The following PHKB variants were observed in gnomAD, a reference collection of about 807,000 sequenced individuals.
PHKB encodes phosphorylase b kinase regulatory subunit beta.
In PHKB, 122 loss-of-function variants were observed where a neutral mutation model predicts 152.1. The ratio of observed to expected loss-of-function variants is 0.80; its 90% CI spans 0.69 to 0.93. PHKB has a LOEUF of 0.93. Among genes scored for constraint, PHKB ranks in the 40% least tolerant of loss-of-function variants. The pLI is 0.00. For synonymous variants in PHKB, 436 were observed against 464.9 expected (o/e 0.94, Z 0.80); for missense variants, 1,304 against 1,328.4 (o/e 0.98, Z 0.29).
chr16:47,686,095 A>G (rs1399842705), intron 26 of PHKB, among the ~76,000 whole-genome samples: 1 of 152,194 alleles, frequency 6.6e-6, no homozygotes, highest in East Asian at 1.9e-4. Context: ...TGAATGAGTG[A>G]AAAACCTGCT....
At chr16:47,628,729 A>C (rs1421749649) in intron 14 of PHKB, among the ~76,000 whole-genome samples, 4 of 152,072 alleles carry the variant, frequency 2.6e-5, no homozygotes, top group Non-Finnish European at 4.4e-5. Context: ...ATCCTAAGCC[A>C]AAAGAACAAA....
chr16:47,614,454 GT>G (rs1340171358), intron 14 of PHKB, among the ~76,000 whole-genome samples: 1 of 152,062 alleles, frequency 6.6e-6, no homozygotes, highest in Admixed American at 6.5e-5. Context: ...TATCCTACAG[GT>G]TATTCGAACA....
chr16:47,498,548 C>T (rs1970271320), intron 2 of PHKB, among the ~76,000 whole-genome samples: 1 of 152,120 alleles, frequency 6.6e-6, no homozygotes, highest in Non-Finnish European at 1.5e-5. Flanking sequence ...TGGTGGTGCA[C>T]TCCTGTGATC....
chr16:47,596,350 AT>A, intron 12 of PHKB, 22 bp from the exon 13 acceptor site: 1 of 1,509,946 alleles, frequency 6.6e-7, no homozygotes, highest in Non-Finnish European at 9.2e-7. Context: ...TATATTTTAA[AT>A]ACTTATTTTT....
intron 26 of PHKB, among the ~76,000 whole-genome samples, chr16:47,674,237 G>C (rs1158438342): frequency 6.6e-6 from 1 of 151,562 alleles, no homozygotes; most frequent in African/African-American, 2.4e-5. Flanking sequence ...TAAGGAACTT[G>C]AGTAGGTACA....
At chr16:47,523,511 C>T (rs1970718213) in intron 6 of PHKB, among the ~76,000 whole-genome samples, 1 of 152,200 alleles carries the variant, frequency 6.6e-6, no homozygotes, top group African/African-American at 2.4e-5. Context: ...AACTTGAAAG[C>T]TCTCATAGGA....
At chr16:47,507,404 C>T (rs1426311827) in intron 4 of PHKB, among the ~76,000 whole-genome samples, 1 of 152,160 alleles carries the variant, frequency 6.6e-6, no homozygotes, top group Admixed American at 6.5e-5. Context: ...TGAGATTTGA[C>T]TTTACAAAGG....
chr16:47,531,040 A>G (rs550680524), intron 6 of PHKB, among the ~76,000 whole-genome samples: 1 of 152,172 alleles, frequency 6.6e-6, no homozygotes, highest in Non-Finnish European at 1.5e-5. Context: ...CCTTTACCTG[A>G]TATAAACCCC....
At chr16:47,576,771 G>A (rs1971756713) in intron 7 of PHKB, among the ~76,000 whole-genome samples, 1 of 151,914 alleles carries the variant, frequency 6.6e-6, no homozygotes, top group African/African-American at 2.4e-5. Context: ...TATTAATATA[G>A]TCACTCCTGC....
intron 26 of PHKB, among the ~76,000 whole-genome samples, chr16:47,685,418 C>A (rs910621008): frequency 6.6e-6 from 1 of 152,058 alleles, no homozygotes; most frequent in Non-Finnish European, 1.5e-5. Flanking sequence ...GGGCGAGACT[C>A]CTCCTCAAAA....
chr16:47,581,636 A>G (rs944752814), intron 8 of PHKB, among the ~76,000 whole-genome samples: 1 of 152,222 alleles, frequency 6.6e-6, no homozygotes, highest in Admixed American at 6.5e-5. Flanking sequence ...TGCTTTGCAG[A>G]GATTAAACTT....
chr16:47,671,270 A>G (rs977205184), intron 26 of PHKB, among the ~76,000 whole-genome samples: 6 of 152,088 alleles, frequency 3.9e-5, no homozygotes, highest in Admixed American at 3.9e-4. Flanking sequence ...TGTATGTATT[A>G]TGTATGTTTT....
chr16:47,485,985 G>GA (rs200027064), intron 1 of PHKB, among the ~76,000 whole-genome samples: 18 of 150,370 alleles, frequency 1.2e-4, no homozygotes, highest in African/African-American at 4.1e-4. Context: ...GTAGTAAAAA[G>GA]AAAAAAAAAG....
At chr16:47,671,956 C>T (rs1006796406) in intron 26 of PHKB, among the ~76,000 whole-genome samples, 2 of 151,888 alleles carry the variant, frequency 1.3e-5, no homozygotes, top group African/African-American at 2.4e-5. Context: ...TATAAAAGAA[C>T]AATAATAATA....
intron 7 of PHKB, among the ~76,000 whole-genome samples, chr16:47,573,961 C>A (rs1971707321): frequency 6.6e-6 from 1 of 152,070 alleles, no homozygotes; most frequent in African/African-American, 2.4e-5. Flanking sequence ...GCTCTGTTGC[C>A]CAAGCTGGAT....
chr16:47,670,795 A>G lies in PHKB; in HGVS notation c.2630+1378A>G, dbSNP rs1420648746. On this transcript the variant is annotated intron_variant, in intron 26 of 30. Transcript: ENST00000323584. Reference sequence around the variant, plus strand: ...GTGAGCCACCTCACCTGGCTGCTTTATGTAGTTTAAAACTTTGATTTTGTC... The same window carrying G: ...GTGAGCCACCTCACCTGGCTGCTTTGTGTAGTTTAAAACTTTGATTTTGTC... 3.3e-5 allele frequency among the ~76,000 whole-genome samples: 5 copies of G among 152,054 alleles called. No homozygotes were observed. The East Asian group carries it at 9.6e-4, about 29-fold the overall frequency.
chr16:47,594,123 A>AT lies in PHKB; in HGVS notation c.1127-10dup. ...AAGCTCAGCTGCTATTGGATTTTAT[A>AT]TTTTATATTTTAGGAGTTTTTAGAG... On this transcript the variant is annotated splice_polypyrimidine_tract_variant and intron_variant, in intron 11 of 30. Coordinates refer to ENST00000323584, the MANE Select transcript of PHKB (RefSeq NM_000293.3). 1 of 1,391,084 alleles carries AT rather than the reference A, an allele frequency of 7.2e-7. No homozygotes were observed. Among genetic ancestry groups the AT allele is most frequent in the Non-Finnish European group, 1.0e-6 (1 of 977,964 alleles). 86.2% of individuals were successfully genotyped at this position (1,391,084 alleles called of 1,614,324 possible).
chr16:47,661,901 TC>T, intron 23 of PHKB, 101 bp downstream of exon 23: 2 of 814,040 alleles, frequency 2.5e-6, no homozygotes, highest in South Asian at 2.7e-5. Context: ...ACAAGTTATT[TC>T]CCCTTTCATT....
At chr16:47,541,792 G>A (rs1249797211) in intron 6 of PHKB, among the ~76,000 whole-genome samples, 1 of 151,894 alleles carries the variant, frequency 6.6e-6, no homozygotes, top group African/African-American at 2.4e-5. Context: ...CTGCATAAAT[G>A]TCTTCTTTTG....
Sources: allele counts gnomAD v4.1 joint callset (sites outside exome capture counted in the v4.1 genomes callset), GRCh38; gene constraint gnomAD v4.1.1; transcripts MANE v1.5; gene names NCBI Gene and HGNC (gene_info 2026-07-23, HGNC 2026-07-21).